The following MGME1 variants were observed in gnomAD, a reference collection of about 807,000 sequenced individuals.
MGME1 encodes the protein mitochondrial genome maintenance exonuclease 1, also known as chromosome 20 open reading frame 72.
In MGME1, 22 loss-of-function variants were observed where a neutral mutation model predicts 33.0. The ratio of observed to expected loss-of-function variants is 0.67; its 90% CI spans 0.48 to 0.95. MGME1 has a LOEUF of 0.95. Ranked by LOEUF, MGME1 falls within the 40% of genes least tolerant of loss-of-function variation. The probability of loss-of-function intolerance (pLI) is 0.00; values close to 1 mark genes in which losing one functional copy is unlikely to be tolerated. For missense variants in MGME1, 383 were observed against 397.8 expected (o/e 0.96, Z 0.32); for synonymous variants, 133 against 144.0 (o/e 0.92, Z 0.55).
rs1402100981 is a variant in MGME1, at chr20:17,987,513, T to G, written c.732-653T>G. On this transcript the variant is annotated intron_variant, in intron 3 of 4. Coordinates refer to ENST00000377710, the MANE Select transcript of MGME1 (RefSeq NM_052865.4). ...TTGATTACATGTTGAAATGATATTT[T>G]GGATATGTTGGGTTAAGTAAAATGT... Among the ~76,000 whole-genome samples the G allele has an allele frequency of 3.3e-5, 5 of 152,220 alleles. No individual in the cohort carries two copies. In the South Asian group the frequency reaches 1.0e-3, roughly 32 times the overall value.
chr20:17,970,002 A>ATATGAAGAAAACCTC lies in MGME1; in HGVS notation c.143_144insTATGAAGAAAACCTC (p.Asp48_Gln49insMetLysLysThrSer). 6.2e-7 allele frequency: 1 copy of ATATGAAGAAAACCTC among 1,614,186 alleles called. No individual in the cohort carries two copies. The highest frequency in any genetic ancestry group is 8.5e-7 in the Non-Finnish European group (1 of 1,180,030). On this transcript the variant is annotated inframe_insertion, in exon 2 of 5. Transcript: ENST00000377710. ...AAAGTGAACCCATATGAAGAAGTGG[A>ATATGAAGAAAACCTC]CCAAGAAAAATACTCTAATTTAGTT...
intron 1 of MGME1, 106 bp from the exon 2 acceptor site, chr20:17,969,691 ACTTT>A: frequency 1.5e-6 from 1 of 657,014 alleles, no homozygotes. Flanking sequence ...CGCTCTGTCG[ACTTT>A]CTTAAGAAAG....
At chr20:17,985,728 A>G (rs1304290530) in intron 3 of MGME1, among the ~76,000 whole-genome samples, 5 of 152,162 alleles carry the variant, frequency 3.3e-5, no homozygotes, top group Non-Finnish European at 7.3e-5. Context: ...AGATGCACTA[A>G]TGCTTACCAT....
intron 2 of MGME1, among the ~76,000 whole-genome samples, chr20:17,972,194 A>G (rs1350315552): frequency 6.6e-6 from 1 of 152,236 alleles, no homozygotes; most frequent in Admixed American, 6.5e-5. Context: ...GGTGGCACCC[A>G]AGAAGAATTA....
chr20:17,974,584 G>A (rs1166964976), intron 2 of MGME1, among the ~76,000 whole-genome samples: 1 of 152,136 alleles, frequency 6.6e-6, no homozygotes, highest in Non-Finnish European at 1.5e-5. Context: ...GTGTCCTAAT[G>A]TGTCCTAATG....
rs1312301713 is a variant in MGME1 at position 17,990,293 on chromosome 20, T to C, written c.*184T>C. 4 of 632,510 alleles carry C rather than the reference T, an allele frequency of 6.3e-6. No individual in the cohort carries two copies. Among genetic ancestry groups the C allele is most frequent in the Non-Finnish European group, 1.1e-5 (4 of 358,552 alleles). 39.2% of individuals were successfully genotyped at this position (632,510 alleles called of 1,614,324 possible). On this transcript the variant is annotated 3_prime_UTR_variant, in exon 5 of 5. Transcript: ENST00000377710. ...ACTGAAAAGCCCCAAAGTCTAGATA[T>C]AAAGACCTAGACTTCGGCACGCGAA...
intron 3 of MGME1, among the ~76,000 whole-genome samples, chr20:17,981,645 A>G (rs2036020729): frequency 1.7e-5 from 2 of 114,790 alleles, no homozygotes; most frequent in African/African-American, 7.7e-5. Context: ...CCAATCTACT[A>G]CTCGTGTGTG....
Position 17,970,173 on chromosome 20 carries a change from A to G in MGME1, c.314A>G (p.Asn105Ser), listed in dbSNP as rs777019374. The G allele has an allele frequency of 3.0e-5, 49 of 1,614,226 alleles. No homozygotes were observed. In the South Asian group the frequency reaches 4.6e-4, roughly 15 times the overall value. Residue 105 changes from asparagine (N) to serine (S), a missense_variant, in exon 2 of 5, where the codon AAT (asparagine) becomes AGT (serine). Asn to Ser is a conservative substitution (Grantham distance 46). Coordinates refer to ENST00000377710, the MANE Select transcript of MGME1 (RefSeq NM_052865.4). Reference protein sequence around the residue: ...RVPQNWFPIFNPERSDKPNAS... With the variant: ...RVPQNWFPIFSPERSDKPNAS... ...CCACAAAACTGGTTTCCTATCTTCAATCCAGAGAGAAGTGATAAACCAAAT... is the reference window on the plus strand; with the variant it reads ...CCACAAAACTGGTTTCCTATCTTCAGTCCAGAGAGAAGTGATAAACCAAAT...
chr20:17,985,630 T>C (rs1306810327), intron 3 of MGME1, among the ~76,000 whole-genome samples: 1 of 152,258 alleles, frequency 6.6e-6, no homozygotes, highest in Admixed American at 6.5e-5. Flanking sequence ...CTTCTAGTCC[T>C]GCAAGCTGCA....
At chr20:17,972,046 C>T (rs918133997) in intron 2 of MGME1, among the ~76,000 whole-genome samples, 2 of 152,096 alleles carry the variant, frequency 1.3e-5, no homozygotes, top group Non-Finnish European at 2.9e-5. Context: ...CAGAATCACT[C>T]TTTTTAGAAA....
intron 3 of MGME1, among the ~76,000 whole-genome samples, chr20:17,981,461 T>C (rs1337853719): frequency 1.3e-5 from 2 of 152,264 alleles, no homozygotes; most frequent in Admixed American, 1.3e-4. Context: ...GAGTGCTTAA[T>C]GCATACTATG....
At position 17,989,971 on chromosome 20, in the gene MGME1, A is replaced by C. The variant is rs138923108; in HGVS notation, c.897A>C (p.Lys299Asn). ...VQCGLIVVAY[K>N]DGSPAHPHFM... ...GTGGCTTAATTGTGGTGGCCTACAA[A>C]GATGGATCACCTGCCCACCCACATT... Residue 299 changes from lysine to asparagine, a missense_variant, in exon 5 of 5, where the codon AAA becomes AAC. By Grantham distance (94) the Lys-to-Asn change is moderately conservative. Coordinates refer to ENST00000377710, the MANE Select transcript of MGME1 (RefSeq NM_052865.4). 3.8e-5 allele frequency: 61 copies of C among 1,614,094 alleles called. No individual in the cohort carries two copies. Among genetic ancestry groups the C allele is most frequent in the Admixed American group, 2.3e-4 (14 of 59,990 alleles).
chr20:17,986,070 AT>A (rs1171652682), intron 3 of MGME1, among the ~76,000 whole-genome samples: 3 of 150,196 alleles, frequency 2.0e-5, no homozygotes, highest in East Asian at 1.9e-4. Context: ...TGATGTTGGA[AT>A]TTTTTTTTCT....
chr20:17,989,512 C>A (rs1458582333), intron 4 of MGME1, among the ~76,000 whole-genome samples: 2 of 151,790 alleles, frequency 1.3e-5, no homozygotes, highest in Non-Finnish European at 2.9e-5. Flanking sequence ...CCCAGGAGTT[C>A]AAGACCAGCC....
chr20:17,988,702 G>T (rs1212403241), intron 4 of MGME1, among the ~76,000 whole-genome samples: 2 of 125,868 alleles, frequency 1.6e-5, no homozygotes, highest in Admixed American at 7.9e-5. Context: ...GAGAAAAATT[G>T]TAAAAAAAAA....
rs2036259654 is a variant in MGME1 at position 17,990,173 on chromosome 20, T to A, written c.*64T>A. On this transcript the variant is annotated 3_prime_UTR_variant, in exon 5 of 5. Transcript: ENST00000377710. ...ACAGTTTGGGAACATATATTGCTGT[T>A]TACTCCAGTGTAAAAATGAGGTGCC... 1 of 1,427,334 alleles carries A rather than the reference T, an allele frequency of 7.0e-7. No homozygotes were observed. Among genetic ancestry groups the A allele is most frequent in the South Asian group, 1.2e-5 (1 of 86,510 alleles). The allele number at this position is 1,427,334 out of a possible 1,614,324, so 88.4% of individuals were successfully genotyped here.
chr20:17,969,945 C>G lies in MGME1; in HGVS notation c.86C>G (p.Ser29Cys), dbSNP rs143811282. The change falls in exon 2 of 5, where the codon TCT becomes TGT. Residue 29 changes from serine (S) to cysteine (C), a missense_variant. Ser to Cys is a moderately radical substitution (Grantham distance 112). Coordinates refer to ENST00000377710, the MANE Select transcript of MGME1 (RefSeq NM_052865.4). ...GAATCAGCTGCCCTTGTGGCTTTCT[C>G]TACTTCCTCTTACTCATGTGGCCGG... ...SVESAALVAF[S>C]TSSYSCGRKK... 7.2e-4 allele frequency: 1,167 copies of G among 1,614,188 alleles called. 9 individuals carry two copies. In the East Asian group the frequency reaches 0.01, roughly 14 times the overall value.
chr20:17,986,687 C>G (rs892431146), intron 3 of MGME1, among the ~76,000 whole-genome samples: 1 of 151,986 alleles, frequency 6.6e-6, no homozygotes, highest in South Asian at 2.1e-4. Flanking sequence ...ATAAAGATTG[C>G]GTGGAACCTA....
intron 3 of MGME1, among the ~76,000 whole-genome samples, chr20:17,982,483 G>T (rs549673637): frequency 6.6e-6 from 1 of 152,286 alleles, no homozygotes; most frequent in African/African-American, 2.4e-5. Context: ...AGTAGACCCG[G>T]ACATGACTGC....
Sources: allele counts gnomAD v4.1 joint callset (sites outside exome capture counted in the v4.1 genomes callset), GRCh38; gene constraint gnomAD v4.1.1; transcripts MANE v1.5; gene names NCBI Gene and HGNC (gene_info 2026-07-23, HGNC 2026-07-21).